The following FLT3 variants were observed in gnomAD, a reference collection of about 807,000 sequenced individuals.
FLT3 encodes receptor-type tyrosine-protein kinase FLT3.
A neutral mutation model predicts 126.6 loss-of-function variants in FLT3; 46 were observed. That is an observed-to-expected ratio of 0.36 (90% CI 0.29 to 0.46). The LOEUF (loss-of-function observed/expected upper bound fraction) is 0.46, where lower values mean the gene tolerates loss of function less well. FLT3 is among the 20% of genes least tolerant of loss of function. The pLI, the probability that FLT3 is intolerant of heterozygous loss-of-function variation, is 1.00. For missense variants in FLT3, 1,069 were observed against 1,190.3 expected (o/e 0.90, Z 1.50); for synonymous variants, 404 against 434.4 (o/e 0.93, Z 0.87).
intron 9 of FLT3, among the ~76,000 whole-genome samples, chr13:28,038,596 G>C (rs937661530): frequency 6.6e-6 from 1 of 151,916 alleles, no homozygotes; most frequent in Admixed American, 6.6e-5. Context: ...GGGACTACAG[G>C]CTCCTGCCAC....
chr13:28,069,655 G>A (rs987294863), intron 2 of FLT3, among the ~76,000 whole-genome samples: 5 of 151,846 alleles, frequency 3.3e-5, no homozygotes, highest in African/African-American at 1.2e-4. Flanking sequence ...AAAATATTCC[G>A]AAAAAAATGG....
At chr13:28,022,070 C>T (rs1388830561) in intron 19 of FLT3, among the ~76,000 whole-genome samples, 2 of 152,028 alleles carry the variant, frequency 1.3e-5, no homozygotes, top group African/African-American at 4.8e-5. Flanking sequence ...AAGAGACTTG[C>T]TCTGTCACCC....
Position 28,100,512 on chromosome 13 carries a change from G to T in FLT3, c.-2C>A, listed in dbSNP as rs903318109. On this transcript the variant is annotated 5_prime_UTR_variant, in exon 1 of 24. Coordinates refer to ENST00000241453, the MANE Select transcript of FLT3 (RefSeq NM_004119.3). The surrounding 1 kb of genome is among the most constrained non-coding windows in gnomAD (Gnocchi z 4.8). ...GCCGTCGCGCGCCAACGCCGGCATG[G>T]CCTCCGGAGCCCGGGGTCCCCAGGC... is the stretch of plus-strand genomic sequence containing the variant. The T allele has an allele frequency of 4.0e-5, 49 of 1,215,152 alleles. No homozygotes were observed. Among genetic ancestry groups the T allele is most frequent in the Non-Finnish European group, 4.9e-5 (48 of 977,304 alleles). 75.3% of individuals were successfully genotyped at this position (1,215,152 alleles called of 1,614,324 possible).
chr13:28,070,500 T>G lies in FLT3; in HGVS notation c.156A>C (p.Ser52=). Residue 52 remains serine, a synonymous_variant, in exon 2 of 24, where the codon TCA becomes TCC. Transcript: ENST00000241453. ...TTTAATGTTACTTTACCATGGGATA[T>G]GATGATGACTTCCCCACTGATGAAT... ...NNDSSVGKSS[S]YPMVSESPED... 6.2e-7 allele frequency: 1 copy of G among 1,609,742 alleles called. No individual in the cohort carries two copies. The highest frequency in any genetic ancestry group is 2.2e-5 in the East Asian group (1 of 44,816).
intron 20 of FLT3, among the ~76,000 whole-genome samples, chr13:28,016,513 C>G (rs533797878): frequency 2.0e-5 from 3 of 152,306 alleles, no homozygotes; most frequent in African/African-American, 7.2e-5. Flanking sequence ...TCGTGATCCA[C>G]CCGCCTCAGC....
intron 1 of FLT3, among the ~76,000 whole-genome samples, chr13:28,091,356 G>A (rs1027182533): frequency 1.1e-4 from 16 of 148,728 alleles, no homozygotes; most frequent in African/African-American, 3.2e-4. Flanking sequence ...CGAGTAGCTG[G>A]GACTACAGGC....
rs766230032 is a variant in FLT3 at position 28,034,306 on chromosome 13, T to G, written c.1699A>C (p.Lys567Gln). 6.2e-7 allele frequency: 1 copy of G among 1,613,670 alleles called. No individual in the cohort carries two copies. The highest frequency in any genetic ancestry group is 2.2e-5 in the East Asian group (1 of 44,872). The change falls in exon 13 of 24, where the codon AAA (lysine) becomes CAA (glutamine). Residue 567 changes from lysine to glutamine, a missense_variant. Physicochemically the swap from Lys to Gln is moderately conservative, Grantham distance 53. Transcript: ENST00000241453. ...VLTLLICHKY[K>Q]KQFRYESQLQ... ...ATTTTTACCTTTGCTTTTACCTTTTTGTACTTGTGACAAATTAGCAGGGTT... is the reference window on the plus strand; with the variant it reads ...ATTTTTACCTTTGCTTTTACCTTTTGGTACTTGTGACAAATTAGCAGGGTT...
chr13:28,013,808 A>T (rs929461199), intron 23 of FLT3, among the ~76,000 whole-genome samples: 1 of 152,158 alleles, frequency 6.6e-6, no homozygotes, highest in East Asian at 1.9e-4. Context: ...ATTTTTCCAC[A>T]CTCATGCTTC....
In FLT3 at chr13:28,073,014, A is replaced by AC. The variant is rs1555261257; in HGVS notation, c.44-2403_44-2402insG. On this transcript the variant is annotated intron_variant, in intron 1 of 23. Transcript: ENST00000241453. Reference sequence around the variant, plus strand: ...AGCGAGACTCCGTCTCTAAAAAAAAAAAACAACAACAACAAATATGCTTAT... The same window carrying AC: ...AGCGAGACTCCGTCTCTAAAAAAAAACAAACAACAACAACAAATATGCTTAT... Among the ~76,000 whole-genome samples the AC allele has an allele frequency of 1.6e-4, 23 of 147,502 alleles. 1 individual carries two copies. The highest frequency in any genetic ancestry group is 8.8e-4 in the South Asian group (4 of 4,522).
rs1879744929 is a variant in FLT3, at chr13:28,100,355, A to C, written c.43+113T>G. 1.4e-6 allele frequency: 1 copy of C among 707,990 alleles called. No homozygotes were observed. The highest frequency in any genetic ancestry group is 1.9e-6 in the Non-Finnish European group (1 of 518,672). 43.9% of individuals were successfully genotyped at this position (707,990 alleles called of 1,614,324 possible). A position where few individuals can be genotyped will look rare whatever the true frequency, so the allele number is the denominator to read the frequency against. On this transcript the variant is annotated intron_variant, in intron 1 of 23. Transcript: ENST00000241453. The surrounding 1 kb of genome is among the most constrained non-coding windows in gnomAD (Gnocchi z 4.8). ...GGCGCGGGAGGCAATGGAAGGAGCGAGCGCGGGGAGGAGCGAGGCGGCTGG... is the reference window on the plus strand; with the variant it reads ...GGCGCGGGAGGCAATGGAAGGAGCGCGCGCGGGGAGGAGCGAGGCGGCTGG...
intron 9 of FLT3, among the ~76,000 whole-genome samples, chr13:28,045,854 C>CA (rs11356393): frequency 0.37 from 46,098 of 125,524 alleles, 7,966 homozygotes; most frequent in Middle Eastern, 0.5. Flanking sequence ...GACTCTGTCT[C>CA]AAAAAAAAAA....
intron 4 of FLT3, 105 bp from the exon 5 acceptor site, chr13:28,052,779 CG>C: frequency 1.5e-6 from 1 of 685,266 alleles, no homozygotes; most frequent in Non-Finnish European, 2.3e-6. Flanking sequence ...TCAACCATTA[CG>C]TATACATATT....
chr13:28,096,482 G>T (rs1318945158), intron 1 of FLT3, among the ~76,000 whole-genome samples: 2 of 151,978 alleles, frequency 1.3e-5, no homozygotes, highest in Admixed American at 6.6e-5. Context: ...TGTCACCAAG[G>T]GTATAGTGCA....
intron 9 of FLT3, among the ~76,000 whole-genome samples, chr13:28,038,701 C>T (rs1244045476): frequency 3.9e-5 from 6 of 152,186 alleles, no homozygotes; most frequent in African/African-American, 1.4e-4. Context: ...GATCTGCCTG[C>T]CTCAGACTCC....
chr13:28,050,574 A>G (rs1875352149), intron 5 of FLT3, among the ~76,000 whole-genome samples: 1 of 152,198 alleles, frequency 6.6e-6, no homozygotes, highest in African/African-American at 2.4e-5. Context: ...AGAGAAGAGA[A>G]AAAGCATGAT....
intron 9 of FLT3, among the ~76,000 whole-genome samples, chr13:28,038,989 G>C (rs972388072): frequency 6.6e-6 from 1 of 152,068 alleles, no homozygotes; most frequent in African/African-American, 2.4e-5. Context: ...GGTCTGTGTC[G>C]GTGGGAAAGG....
chr13:28,042,840 C>T (rs1252672308), intron 9 of FLT3, among the ~76,000 whole-genome samples: 2 of 148,198 alleles, frequency 1.3e-5, no homozygotes, highest in Admixed American at 6.8e-5. Flanking sequence ...TCCCTCCTTT[C>T]TGTCTGTGCT....
At chr13:28,030,280 G>A (rs1038652492) in intron 15 of FLT3, among the ~76,000 whole-genome samples, 7 of 152,146 alleles carry the variant, frequency 4.6e-5, no homozygotes, top group Non-Finnish European at 1.0e-4. Context: ...TCAGCTTCAC[G>A]CTGGACAGGG....
chr13:28,037,923 C>T (rs1208749452), intron 9 of FLT3, among the ~76,000 whole-genome samples: 1 of 152,180 alleles, frequency 6.6e-6, no homozygotes, highest in African/African-American at 2.4e-5. Context: ...CCCCGATGAT[C>T]TGAGATAGAA....
Sources: gnomAD v4.1 joint callset for allele counts (sites outside exome capture counted in the v4.1 genomes callset) on GRCh38, gnomAD v4.1.1 for gene constraint, Gnocchi (gnomAD v3.1) non-coding constraint, MANE v1.5 for transcripts, NCBI Gene and HGNC (gene_info 2026-07-23, HGNC 2026-07-21) for gene names.